CEP250: variants seen among roughly 807,000 people sequenced by gnomAD.
CEP250 encodes centrosome-associated protein CEP250.
CEP250 carries 242 observed loss-of-function variants against 315.7 expected under a neutral mutation model. The ratio of observed to expected loss-of-function variants is 0.77; its 90% CI spans 0.69 to 0.85. The LOEUF is 0.85. Among genes scored for constraint, CEP250 ranks in the 40% least tolerant of loss-of-function variants. The probability of loss-of-function intolerance (pLI) is 0.00; values close to 1 mark genes in which losing one functional copy is unlikely to be tolerated. For synonymous variants in CEP250, 1,088 were observed against 1,175.0 expected, an observed-to-expected ratio of 0.93 and a Z score of 1.51; for missense variants, 2,515 against 2,886.4, an observed-to-expected ratio of 0.87 and a Z score of 2.95.
chr20:35,495,152 G>A (rs1009673509), intron 24 of CEP250, among the ~76,000 whole-genome samples: 2 of 152,196 alleles, frequency 1.3e-5, no homozygotes, highest in African/African-American at 4.8e-5. Flanking sequence ...ATATGCAAAG[G>A]CCGTGAGGCA....
Position 35,478,085 on chromosome 20 carries a change from A to C in CEP250, c.2078A>C (p.Gln693Pro), listed in dbSNP as rs375021604. 2.5e-6 allele frequency: 4 copies of C among 1,613,546 alleles called. No individual in the cohort carries two copies. The East Asian group carries it at 8.9e-5, about 36-fold the overall frequency. Residue 693 changes from glutamine to proline, a missense_variant, in exon 17 of 35, where the codon CAA (glutamine) becomes CCA (proline). By Grantham distance (76) the Gln-to-Pro change is moderately conservative. Coordinates refer to ENST00000397527, the MANE Select transcript of CEP250 (RefSeq NM_007186.6). ...ATCCAAGAAGAGAAGGAAGAAATTC[A>C]AAAGAAACTAAGTGAGGTGAGAAGC... is the stretch of plus-strand genomic sequence containing the variant. ...RDIQEEKEEI[Q>P]KKLSESRHQQ...
At chr20:35,487,661 G>T (rs986626344) in intron 20 of CEP250, among the ~76,000 whole-genome samples, 3 of 152,092 alleles carry the variant, frequency 2.0e-5, no homozygotes, top group African/African-American at 2.4e-5. Context: ...AGGGCTGGGC[G>T]TGGTGGCTCA....
chr20:35,506,090 A>T (rs1217789520), intron 30 of CEP250, among the ~76,000 whole-genome samples: 1 of 152,138 alleles, frequency 6.6e-6, no homozygotes, highest in Non-Finnish European at 1.5e-5. Flanking sequence ...TTGATTGGCT[A>T]AGAGGTGGGA....
chr20:35,498,225 T>C (rs1354021350), intron 26 of CEP250, among the ~76,000 whole-genome samples, 158 bp downstream of exon 26: 2 of 152,234 alleles, frequency 1.3e-5, no homozygotes, highest in Admixed American at 6.5e-5. Flanking sequence ...CTCTACCATT[T>C]GCTAGCTATG....
intron 13 of CEP250, 83 bp downstream of exon 13, chr20:35,473,635 G>A (rs576769661): frequency 1.2e-5 from 17 of 1,373,718 alleles, no homozygotes; most frequent in Non-Finnish European, 1.6e-5. Context: ...ACTCCCATCA[G>A]GTTTTTGGGG....
In CEP250 at chr20:35,503,911, G is replaced by C. The variant is rs770216974; in HGVS notation, c.5542G>C (p.Glu1848Gln). 10 of 1,613,768 alleles carry C rather than the reference G, an allele frequency of 6.2e-6. No homozygotes were observed. The highest frequency in any genetic ancestry group is 8.5e-6 in the Non-Finnish European group (10 of 1,179,874). The change falls in exon 30 of 35, where the codon GAG becomes CAG. Residue 1848 changes from glutamate (E) to glutamine (Q), a missense_variant. Transcript: ENST00000397527. The surrounding 1 kb of genome is among the most constrained non-coding windows in gnomAD (Gnocchi z 4.2). ...GGCAGACGCCCTCCAGGGAGCTCTG[G>C]AGCAAGCCCATATGACACTGAAGGA... Reference protein sequence around the residue: ...EKADALQGALEQAHMTLKERH... With the variant: ...EKADALQGALQQAHMTLKERH...
intron 34 of CEP250, 42 bp from the exon 35 acceptor site, chr20:35,511,321 C>T (rs749567663): frequency 1.6e-5 from 25 of 1,533,384 alleles, no homozygotes; most frequent in Non-Finnish European, 2.1e-5. Flanking sequence ...ACTTCAGGGC[C>T]CTCAGCTGCT....
At chr20:35,463,453 C>G in intron 4 of CEP250, 122 bp from the exon 5 acceptor site, 1 of 699,064 alleles carries the variant, frequency 1.4e-6, no homozygotes, top group Non-Finnish European at 2.2e-6. Context: ...ATGGCCTTAC[C>G]TTACTGTCAC....
Position 35,462,338 on chromosome 20 carries a change from G to C in CEP250, c.-30G>C. On this transcript the variant is annotated 5_prime_UTR_variant, in exon 4 of 35. Coordinates refer to ENST00000397527, the MANE Select transcript of CEP250 (RefSeq NM_007186.6). Reference sequence around the variant, plus strand: ...GCGTGAACACCCTCTGGCTACCTAGGGACCTGTGGGCCTACCACCTGGTGC... The same window carrying C: ...GCGTGAACACCCTCTGGCTACCTAGCGACCTGTGGGCCTACCACCTGGTGC... 6.5e-7 allele frequency: 1 copy of C among 1,542,454 alleles called. No homozygotes were observed. Among genetic ancestry groups the C allele is most frequent in the Non-Finnish European group, 8.8e-7 (1 of 1,137,934 alleles).
chr20:35,508,340 GT>G, intron 32 of CEP250, 150 bp downstream of exon 32: 4 of 810,666 alleles, frequency 4.9e-6, no homozygotes, highest in Non-Finnish European at 7.7e-6. Flanking sequence ...CCGAGACAGA[GT>G]CTTGCTCTGT....
At chr20:35,506,527 C>G (rs1298239945) in intron 30 of CEP250, among the ~76,000 whole-genome samples, 1 of 152,132 alleles carries the variant, frequency 6.6e-6, no homozygotes, top group Non-Finnish European at 1.5e-5. Flanking sequence ...AAAAGACGCC[C>G]AGTCCAATTT....
rs2146853826 is a variant in CEP250, at chr20:35,477,940, G to A, written c.1933G>A (p.Val645Ile). 1 of 1,610,176 alleles carries A rather than the reference G, an allele frequency of 6.2e-7. No homozygotes were observed. ...AAEQARNALQ[V>I]DLAEAEKRRE... ...AGAGCAGGCGAGAAATGCTTTGCAGGTCGACCTGGCGGAGGCAGAGAAGAG... is the reference window on the plus strand; with the variant it reads ...AGAGCAGGCGAGAAATGCTTTGCAGATCGACCTGGCGGAGGCAGAGAAGAG... The change falls in exon 17 of 35, where the codon GTC (valine) becomes ATC (isoleucine). Residue 645 changes from valine to isoleucine, a missense_variant. By Grantham distance (29) the Val-to-Ile change is conservative. Transcript: ENST00000397527.
intron 8 of CEP250, 49 bp from the exon 9 acceptor site, chr20:35,467,252 ACTC>A (rs1285624102): frequency 6.3e-7 from 1 of 1,580,728 alleles, no homozygotes; most frequent in Non-Finnish European, 8.6e-7. Flanking sequence ...TGATCACCAC[ACTC>A]CTTCCCTGGT....
chr20:35,508,907 A>T, intron 32 of CEP250, 36 bp from the exon 33 acceptor site: 1 of 1,525,572 alleles, frequency 6.6e-7, no homozygotes, highest in Non-Finnish European at 8.9e-7. Context: ...CCACAGAGCC[A>T]AGCCGAGCCC....
rs1050876974 is a variant in CEP250 at position 35,479,971 on chromosome 20, G to A, written c.2417-5G>A. ...GGAGGCCTGATCCTGTCCCTGGCAT[G>A]TTAGGGGAAGTGAGGTGCCTGAAGC... On this transcript the variant is annotated splice_polypyrimidine_tract_variant and splice_region_variant and intron_variant, in intron 19 of 34. Transcript: ENST00000397527. 6.2e-6 allele frequency: 10 copies of A among 1,613,460 alleles called. No homozygotes were observed. Among genetic ancestry groups the A allele is most frequent in the Non-Finnish European group, 8.5e-6 (10 of 1,179,698 alleles).
At chr20:35,500,539 G>T (rs1464937916) in intron 28 of CEP250, among the ~76,000 whole-genome samples, 1 of 152,210 alleles carries the variant, frequency 6.6e-6, no homozygotes, top group Non-Finnish European at 1.5e-5. Flanking sequence ...ACCCTGTCTG[G>T]AATTGAGGGC....
chr20:35,460,593 A>G (rs558224729), intron 3 of CEP250, among the ~76,000 whole-genome samples: 63 of 152,370 alleles, frequency 4.1e-4, no homozygotes, highest in African/African-American at 1.4e-3. Flanking sequence ...ACGGGCAGGC[A>G]CTATTCAACT....
chr20:35,470,016 T>A, intron 10 of CEP250, 30 bp downstream of exon 10: 2 of 1,472,230 alleles, frequency 1.4e-6, no homozygotes, highest in Non-Finnish European at 1.9e-6. Context: ...GGAAAGGAGT[T>A]GGGCGTGGGC....
rs1311072075 is a variant in CEP250, at chr20:35,462,332, A to T, written c.-36A>T. On this transcript the variant is annotated 5_prime_UTR_variant, in exon 4 of 35. Transcript: ENST00000397527. ...TGCTGGGCGTGAACACCCTCTGGCT[A>T]CCTAGGGACCTGTGGGCCTACCACC... 5.2e-6 allele frequency: 8 copies of T among 1,530,704 alleles called. No individual in the cohort carries two copies. The highest frequency in any genetic ancestry group is 7.1e-6 in the Non-Finnish European group (8 of 1,129,596). The allele number at this position is 1,530,704 out of a possible 1,614,324, so 94.8% of individuals were successfully genotyped here.
Sources: allele counts gnomAD v4.1 joint callset (sites outside exome capture counted in the v4.1 genomes callset), GRCh38; gene constraint gnomAD v4.1.1; non-coding constraint Gnocchi (gnomAD v3.1); transcripts MANE v1.5; gene names NCBI Gene and HGNC (gene_info 2026-07-23, HGNC 2026-07-21).